Variants in NOX3 observed in about 807,000 individuals in gnomAD.
NOX3 encodes the protein NADPH oxidase 3, also known as NADPH oxidase catalytic subunit-like 3.
NOX3 carries 74 observed loss-of-function variants against 76.7 expected under a neutral mutation model. The observed-to-expected ratio is 0.96, with a 90% CI of 0.80 to 1.17. NOX3 has a LOEUF of 1.17. NOX3 is among the 50% of genes most tolerant of loss of function. NOX3 has a pLI of 0.00. For missense variants in NOX3, 695 were observed against 703.3 expected (o/e 0.99, Z 0.13); for synonymous variants, 263 against 261.1 (o/e 1.01, Z -0.07).
chr6:155,395,763 T>C (rs1779130498), intron 13 of NOX3, among the ~76,000 whole-genome samples, 189 bp from the exon 14 acceptor site: 1 of 152,058 alleles, frequency 6.6e-6, no homozygotes, highest in Non-Finnish European at 1.5e-5. Flanking sequence ...GGGAGTAAAA[T>C]AGCTGCATAG....
chr6:155,417,840 C>A (rs1433765255), intron 10 of NOX3, among the ~76,000 whole-genome samples: 1 of 152,000 alleles, frequency 6.6e-6, no homozygotes, highest in Admixed American at 6.5e-5. Flanking sequence ...CTGGCCCGTG[C>A]TGTCTTTTTA....
chr6:155,396,959 G>T lies in NOX3; in HGVS notation c.1584C>A (p.Ser528Arg), dbSNP rs1582922060. The change falls in exon 13 of 14, where the codon AGC (serine) becomes AGA (arginine). Residue 528 changes from serine to arginine, a missense_variant. Coordinates refer to ENST00000159060, the MANE Select transcript of NOX3 (RefSeq NM_015718.3). ...GTCCACAGAAGAACACGCCAATACT[G>T]CTGCTGCAGTAGGGGTAAGAAAAGG... ...FKQIAYNHPSSSIGVFFCGPK... is the reference protein window; with the variant it reads ...FKQIAYNHPSRSIGVFFCGPK... 1 of 1,606,206 alleles carries T rather than the reference G, an allele frequency of 6.2e-7. No homozygotes were observed. The highest frequency in any genetic ancestry group is 1.1e-5 in the South Asian group (1 of 89,284).
At chr6:155,454,541 T>A (rs917713191) in intron 3 of NOX3, among the ~76,000 whole-genome samples, 32 of 152,342 alleles carry the variant, frequency 2.1e-4, no homozygotes, top group African/African-American at 6.7e-4. Flanking sequence ...GCTATTATAA[T>A]GCTTCCATCT....
intron 4 of NOX3, among the ~76,000 whole-genome samples, chr6:155,452,497 GT>G (rs1427414002): frequency 6.6e-6 from 1 of 152,106 alleles, no homozygotes; most frequent in Non-Finnish European, 1.5e-5. Flanking sequence ...TTAATCCAGC[GT>G]TGAAGACAGT....
At chr6:155,402,713 T>C (rs1173369451) in intron 12 of NOX3, among the ~76,000 whole-genome samples, 1 of 152,234 alleles carries the variant, frequency 6.6e-6, no homozygotes, top group Admixed American at 6.5e-5. Flanking sequence ...CTTTATTCTT[T>C]TGATTTAACT....
At chr6:155,412,787 G>C (rs748987349) in intron 10 of NOX3, among the ~76,000 whole-genome samples, 1 of 152,142 alleles carries the variant, frequency 6.6e-6, no homozygotes, top group Non-Finnish European at 1.5e-5. Context: ...AATATGTATT[G>C]AGTGCTTCCT....
Position 155,397,102 on chromosome 6 carries a change from T to G in NOX3, c.1581-140A>C, listed in dbSNP as rs958087228. ...CCCTCCATGTCGTTTTTTCTTAGAT[T>G]CTTTTTTTCTACCTACTTTCAGCAC... On this transcript the variant is annotated intron_variant, in intron 12 of 13. Coordinates refer to ENST00000159060, the MANE Select transcript of NOX3 (RefSeq NM_015718.3). 22 of 720,474 alleles carry G rather than the reference T, an allele frequency of 3.1e-5. No homozygotes were observed. In the African/African-American group the frequency reaches 3.3e-4, roughly 11 times the overall value. 44.6% of individuals were successfully genotyped at this position (720,474 alleles called of 1,614,324 possible).
At chr6:155,437,010 C>A (rs1776913123) in intron 6 of NOX3, among the ~76,000 whole-genome samples, 1 of 152,166 alleles carries the variant, frequency 6.6e-6, no homozygotes, top group Non-Finnish European at 1.5e-5. Flanking sequence ...AGTCAAAATA[C>A]CGGAAGAATG....
intron 9 of NOX3, among the ~76,000 whole-genome samples, chr6:155,425,365 T>C (rs1776743548): frequency 6.6e-6 from 1 of 152,188 alleles, no homozygotes; most frequent in Admixed American, 6.5e-5. Context: ...ATCCCTGCCT[T>C]GATTTAGACA....
intron 9 of NOX3, 50 bp from the exon 10 acceptor site, chr6:155,422,906 C>T (rs369003407): frequency 1.4e-5 from 22 of 1,597,504 alleles, no homozygotes; most frequent in African/African-American, 9.4e-5. Flanking sequence ...ACACCTTGCT[C>T]GTGAACCCAG....
At chr6:155,431,889 C>A (rs1467603641) in intron 7 of NOX3, among the ~76,000 whole-genome samples, 1 of 152,094 alleles carries the variant, frequency 6.6e-6, no homozygotes, top group East Asian at 1.9e-4. Flanking sequence ...GAGTTCTTAC[C>A]AGGACCCCAG....
chr6:155,454,740 A>T (rs966929173), intron 3 of NOX3, 71 bp downstream of exon 3: 3 of 888,898 alleles, frequency 3.4e-6, no homozygotes, highest in Non-Finnish European at 5.1e-6. Context: ...AATAAAGTAC[A>T]TTTTTTTTCA....
At chr6:155,416,912 G>A (rs986732673) in intron 10 of NOX3, among the ~76,000 whole-genome samples, 21 of 151,914 alleles carry the variant, frequency 1.4e-4, no homozygotes, top group African/African-American at 4.3e-4. Context: ...CACCACGCCC[G>A]GCTAATTTTT....
Position 155,439,062 on chromosome 6 carries a change from C to CT in NOX3, c.668+893dup, listed in dbSNP as rs56960884. ...CTCTGCTGTTTATTCATCATGGGACCTTGAGGGCATCACTTAACCCTCAGA... is the reference window on the plus strand; with the variant it reads ...CTCTGCTGTTTATTCATCATGGGACCTTTGAGGGCATCACTTAACCCTCAGA... On this transcript the variant is annotated intron_variant, in intron 6 of 13. Coordinates refer to ENST00000159060, the MANE Select transcript of NOX3 (RefSeq NM_015718.3). Among the ~76,000 whole-genome samples, 998 of 152,252 alleles carry CT rather than the reference C, an allele frequency of 6.6e-3. 16 individuals carry two copies. Among genetic ancestry groups the CT allele is most frequent in the African/African-American group, 0.023 (965 of 41,552 alleles).
intron 4 of NOX3, among the ~76,000 whole-genome samples, chr6:155,445,066 T>A (rs1465183530): frequency 6.6e-6 from 1 of 152,218 alleles, no homozygotes; most frequent in East Asian, 1.9e-4. Context: ...GCCTGAGGAT[T>A]CTGTGTCTGA....
chr6:155,426,097 A>C (rs990516942), intron 9 of NOX3, among the ~76,000 whole-genome samples: 1 of 152,242 alleles, frequency 6.6e-6, no homozygotes, highest in African/African-American at 2.4e-5. Context: ...AGGAAGTCCA[A>C]TAACATCCTG....
intron 10 of NOX3, among the ~76,000 whole-genome samples, chr6:155,421,078 G>A (rs1389380104): frequency 6.6e-6 from 1 of 152,152 alleles, no homozygotes; most frequent in Non-Finnish European, 1.5e-5. Context: ...CAAAATTCAG[G>A]TGCCGATTCT....
At chr6:155,426,732 G>A (rs1419222893) in intron 9 of NOX3, among the ~76,000 whole-genome samples, 1 of 152,116 alleles carries the variant, frequency 6.6e-6, no homozygotes, top group Non-Finnish European at 1.5e-5. Context: ...AGGCCCTGGG[G>A]ATCCTGTTGG....
chr6:155,414,031 G>A (rs1238232081), intron 10 of NOX3, among the ~76,000 whole-genome samples: 4 of 152,126 alleles, frequency 2.6e-5, no homozygotes, highest in African/African-American at 4.8e-5. Context: ...CGTCCTTAGG[G>A]TTTGTCAAGC....
Sources: allele counts gnomAD v4.1 joint callset (sites outside exome capture counted in the v4.1 genomes callset), GRCh38; gene constraint gnomAD v4.1.1; transcripts MANE v1.5; gene names NCBI Gene and HGNC (gene_info 2026-07-23, HGNC 2026-07-21).